The following AFF4 variants were observed in gnomAD, a reference collection of about 807,000 sequenced individuals.
AFF4 encodes ALF transcription elongation factor 4, also known as AF4/FMR2 family member 4.
Under a neutral mutation model 124.8 loss-of-function variants are expected in AFF4, and 13 were observed. The ratio of observed to expected loss-of-function variants is 0.10; its 90% confidence interval spans 0.07 to 0.17. The LOEUF is 0.17. Among genes scored for constraint, AFF4 ranks in the 10% least tolerant of loss-of-function variants. AFF4 has a pLI of 1.00. For synonymous variants in AFF4, 477 were observed against 496.1 expected (o/e 0.96, Z 0.51); for missense variants, 1,092 against 1,403.8 (o/e 0.78, Z 3.55).
chr5:132,939,970 G>A (rs1236768101), intron 1 of AFF4, among the ~76,000 whole-genome samples: 1 of 152,214 alleles, frequency 6.6e-6, no homozygotes, highest in Non-Finnish European at 1.5e-5. Context: ...GGCCAAGGCG[G>A]GCGGATCACT....
chr5:132,959,827 C>A (rs928432496), intron 1 of AFF4, among the ~76,000 whole-genome samples: 3 of 126,674 alleles, frequency 2.4e-5, no homozygotes, highest in African/African-American at 9.4e-5. Flanking sequence ...TGCAGTGGTG[C>A]GATCTCGACT....
chr5:132,938,552 C>A (rs1761487727), intron 1 of AFF4, among the ~76,000 whole-genome samples: 1 of 151,810 alleles, frequency 6.6e-6, no homozygotes, highest in African/African-American at 2.4e-5. Context: ...GGCATGAGAG[C>A]AACCAAGTAC....
intron 1 of AFF4, among the ~76,000 whole-genome samples, chr5:132,950,654 TAAAATAAAATA>T (rs1761822249): frequency 6.6e-6 from 1 of 151,438 alleles, no homozygotes; most frequent in South Asian, 2.1e-4. Context: ...ATGTCAAAAA[TAAAATAAAATA>T]AAAATAAAAA....
intron 5 of AFF4, among the ~76,000 whole-genome samples, chr5:132,909,226 A>G (rs1760738685): frequency 6.8e-6 from 1 of 147,524 alleles, no homozygotes; most frequent in Non-Finnish European, 1.5e-5. Context: ...GCTCACTGCA[A>G]CCTCCATCTC....
intron 5 of AFF4, among the ~76,000 whole-genome samples, chr5:132,908,279 A>C (rs1328810850): frequency 1.3e-5 from 2 of 152,238 alleles, no homozygotes; most frequent in African/African-American, 4.8e-5. Flanking sequence ...ATTTTTAAAT[A>C]TATTTATGAA....
intron 5 of AFF4, among the ~76,000 whole-genome samples, chr5:132,920,796 T>C (rs560927596): frequency 9.2e-5 from 14 of 152,220 alleles, no homozygotes; most frequent in Non-Finnish European, 1.8e-4. Context: ...GAAAACAAAA[T>C]TTTCAAATCA....
At chr5:132,953,809 C>G (rs67460003) in intron 1 of AFF4, among the ~76,000 whole-genome samples, 17,526 of 152,070 alleles carry the variant, frequency 0.12, 1,280 homozygotes, top group South Asian at 0.2. Context: ...TTTTATCTTC[C>G]GCTTGAATAA....
chr5:132,920,080 T>C (rs1761008479), intron 5 of AFF4, among the ~76,000 whole-genome samples: 1 of 152,030 alleles, frequency 6.6e-6, no homozygotes, highest in Non-Finnish European at 1.5e-5. Flanking sequence ...GATGGAGTCT[T>C]GCTCTGTTGC....
At chr5:132,908,118 T>C (rs560393925) in intron 5 of AFF4, among the ~76,000 whole-genome samples, 1 of 141,522 alleles carries the variant, frequency 7.1e-6, no homozygotes, top group South Asian at 2.2e-4. Flanking sequence ...GTCTTCCAGC[T>C]TTTTTTTTTT....
rs1233963803 is a variant in AFF4 at position 132,878,955 on chromosome 5, G to C, written c.*2104C>G. 1 of 221,584 alleles carries C rather than the reference G, an allele frequency of 4.5e-6. No individual in the cohort carries two copies. Among genetic ancestry groups the C allele is most frequent in the East Asian group, 6.7e-5 (1 of 15,036 alleles). 13.7% of individuals were successfully genotyped at this position (221,584 alleles called of 1,614,324 possible). ...AGGAATCCAAGTCAGAAAAATCAGA[G>C]AAGGACAAGACATAACATGTATTTG... is the stretch of plus-strand genomic sequence containing the variant. On this transcript the variant is annotated 3_prime_UTR_variant, in exon 21 of 21. Transcript: ENST00000265343.
At chr5:132,895,151 G>A (rs910280722) in intron 11 of AFF4, among the ~76,000 whole-genome samples, 2 of 152,070 alleles carry the variant, frequency 1.3e-5, no homozygotes, top group South Asian at 2.1e-4. Context: ...TGGGCTACAG[G>A]GGCCAGCAGC....
At chr5:132,958,077 C>T (rs900171008) in intron 1 of AFF4, among the ~76,000 whole-genome samples, 8 of 152,032 alleles carry the variant, frequency 5.3e-5, no homozygotes, top group African/African-American at 7.2e-5. Flanking sequence ...TTAAGGAATG[C>T]GTGTTACTTT....
At chr5:132,919,391 T>C (rs1760987797) in intron 5 of AFF4, among the ~76,000 whole-genome samples, 1 of 152,160 alleles carries the variant, frequency 6.6e-6, no homozygotes, top group Admixed American at 6.6e-5. Flanking sequence ...CAGAGTCAAC[T>C]ACAACTGCAA....
At chr5:132,960,544 T>C (rs549381731) in intron 1 of AFF4, among the ~76,000 whole-genome samples, 2 of 152,340 alleles carry the variant, frequency 1.3e-5, no homozygotes, top group South Asian at 2.1e-4. Flanking sequence ...AACTACGGCA[T>C]TTACCTTACC....
chr5:132,875,521 C>T lies in AFF4; in HGVS notation c.*5538G>A, dbSNP rs1759817206. The stretch of plus-strand genomic sequence containing the variant: ...TCTTTACAAATTGAAATGTGATACC[C>T]TTGTCTCCAAATATTTTAATTGCCA... On this transcript the variant is annotated 3_prime_UTR_variant, in exon 21 of 21. Transcript: ENST00000265343. 1 of 189,124 alleles carries T rather than the reference C, an allele frequency of 5.3e-6. No individual in the cohort carries two copies. The highest frequency in any genetic ancestry group is 6.2e-5 in the Admixed American group (1 of 16,192). 11.7% of individuals were successfully genotyped at this position (189,124 alleles called of 1,614,324 possible). A position where few individuals can be genotyped will look rare whatever the true frequency, so the allele number is the denominator to read the frequency against.
rs761629091 is a variant in AFF4, at chr5:132,934,709, T to A, written c.356A>T (p.Gln119Leu). The change falls in exon 3 of 21, where the codon CAG becomes CTG. Residue 119 changes from glutamine (Q) to leucine (L), a missense_variant. Gln to Leu is a moderately radical substitution (Grantham distance 113). Around this residue, in one of 11 missense-constraint regions of AFF4, gnomAD observed 188 missense variants for 203.0 expected, o/e 0.93. Transcript: ENST00000265343. ...TAAGCCTGAGGACCGTTTCTGAGACTGAGAAGTGCTGGGTGCGGGTCCTAC... is the reference window on the plus strand; with the variant it reads ...TAAGCCTGAGGACCGTTTCTGAGACAGAGAAGTGCTGGGTGCGGGTCCTAC... ...TPVGPAPSTS[Q>L]SQKRSSGLQS... is the part of the protein sequence containing the mutation. The A allele has an allele frequency of 6.2e-7, 1 of 1,614,004 alleles. No homozygotes were observed. The highest frequency in any genetic ancestry group is 1.3e-5 in the African/African-American group (1 of 74,906).
In AFF4 at chr5:132,896,867, G is replaced by T; in HGVS notation, c.1763C>A (p.Thr588Asn). 1.2e-6 allele frequency: 2 copies of T among 1,614,060 alleles called. No individual in the cohort carries two copies. Among genetic ancestry groups the T allele is most frequent in the Non-Finnish European group, 1.7e-6 (2 of 1,179,998 alleles). Residue 588 changes from threonine (T) to asparagine (N), a missense_variant, in exon 11 of 21, where the codon ACC becomes AAC. Physicochemically the swap from Thr to Asn is moderately conservative, Grantham distance 65. Around this residue, in one of 11 missense-constraint regions of AFF4, gnomAD observed 174 missense variants for 205.9 expected, o/e 0.84. Transcript: ENST00000265343. The stretch of plus-strand genomic sequence containing the variant: ...CATGCTGCTAGCCAAGTCTACAGGG[G>T]TTTCACTTTCTATCTTCAGGCCTCC... Reference protein sequence around the residue: ...PRGGLKIESETPVDLASSMPS... With the variant: ...PRGGLKIESENPVDLASSMPS...
chr5:132,882,955 T>C (rs1760022587), intron 20 of AFF4, among the ~76,000 whole-genome samples: 1 of 152,176 alleles, frequency 6.6e-6, no homozygotes, highest in Non-Finnish European at 1.5e-5. Context: ...TGCTTTCTTA[T>C]ACATTAACCT....
chr5:132,941,887 A>G (rs1160001410), intron 1 of AFF4, among the ~76,000 whole-genome samples: 1 of 151,928 alleles, frequency 6.6e-6, no homozygotes, highest in Non-Finnish European at 1.5e-5. Context: ...ACATGCCTTA[A>G]TCCCAGCTAC....
Sources: gnomAD v4.1 joint callset for allele counts (sites outside exome capture counted in the v4.1 genomes callset) on GRCh38, gnomAD v4.1.1 for gene constraint, gnomAD v4.1.1 regional missense constraint, MANE v1.5 for transcripts, NCBI Gene and HGNC (gene_info 2026-07-23, HGNC 2026-07-21) for gene names.